The following XRRA1 variants were observed in gnomAD, a reference collection of about 807,000 sequenced individuals.
The protein encoded by XRRA1 is X-ray radiation resistance-associated protein 1.
A neutral mutation model predicts 80.2 loss-of-function variants in XRRA1; 69 were observed. The observed-to-expected ratio is 0.86, with a 90% CI of 0.71 to 1.05. The LOEUF (loss-of-function observed/expected upper bound fraction) is 1.05, where lower values mean the gene tolerates loss of function less well. XRRA1 is among the 50% of genes least tolerant of loss of function. The pLI is 0.00. For missense variants in XRRA1, 967 were observed against 976.4 expected (o/e 0.99, Z 0.13); for synonymous variants, 348 against 389.9 (o/e 0.89, Z 1.27).
intron 10 of XRRA1, among the ~76,000 whole-genome samples, chr11:74,877,442 A>ATAATGGGATT (rs2136454093): frequency 6.6e-6 from 1 of 152,094 alleles, no homozygotes; most frequent in East Asian, 1.9e-4. Context: ...ACTCCCACTA[A>ATAATGGGATT]TAATGGGATT....
chr11:74,928,500 T>A (rs764772939), intron 6 of XRRA1, among the ~76,000 whole-genome samples: 13 of 152,204 alleles, frequency 8.5e-5, no homozygotes, highest in Non-Finnish European at 1.6e-4. Flanking sequence ...ATCCACCCAA[T>A]GACAGTCTCA....
intron 2 of XRRA1, among the ~76,000 whole-genome samples, chr11:74,943,759 C>A (rs1234819711): frequency 6.6e-6 from 1 of 152,094 alleles, no homozygotes; most frequent in African/African-American, 2.4e-5. Context: ...GAACAATGTG[C>A]AGGCCAAACC....
At chr11:74,900,638 A>G (rs771042962) in intron 10 of XRRA1, among the ~76,000 whole-genome samples, 62 of 152,246 alleles carry the variant, frequency 4.1e-4, no homozygotes, top group Non-Finnish European at 6.3e-4. Context: ...CAGGGATGCA[A>G]GGATGTTTCA....
intron 10 of XRRA1, 129 bp from the exon 11 acceptor site, chr11:74,863,150 C>A: frequency 1.2e-6 from 1 of 823,120 alleles, no homozygotes; most frequent in Non-Finnish European, 2.1e-6. Flanking sequence ...CATTGGTCCT[C>A]AGCCCCAGTG....
chr11:74,893,534 C>T (rs2051368023), intron 10 of XRRA1, among the ~76,000 whole-genome samples: 1 of 151,148 alleles, frequency 6.6e-6, no homozygotes, highest in Non-Finnish European at 1.5e-5. Flanking sequence ...GCACATGTAC[C>T]CTAAAACTTG....
intron 11 of XRRA1, among the ~76,000 whole-genome samples, chr11:74,860,313 G>C (rs2042052391): frequency 6.6e-6 from 1 of 152,206 alleles, no homozygotes; most frequent in South Asian, 2.1e-4. Context: ...TGAGACGCAA[G>C]AGTGGAACAT....
At chr11:74,844,122 G>A in intron 17 of XRRA1, 46 bp downstream of exon 17, 1 of 1,562,514 alleles carries the variant, frequency 6.4e-7, no homozygotes, top group Non-Finnish European at 8.8e-7. Context: ...GTAATTGTGG[G>A]CGGTACTCAG....
chr11:74,932,609 C>T (rs1434933987), intron 5 of XRRA1, among the ~76,000 whole-genome samples: 2 of 152,178 alleles, frequency 1.3e-5, no homozygotes, highest in African/African-American at 4.8e-5. Flanking sequence ...AATGAGGGGA[C>T]TGAGCTTTGA....
In XRRA1 at chr11:74,850,704, T is replaced by TTTCTG. The variant is rs541199239; in HGVS notation, c.1380+383_1380+384insCAGAA. 4.6e-5 allele frequency among the ~76,000 whole-genome samples: 7 copies of TTTCTG among 152,308 alleles called. No homozygotes were observed. In the East Asian group the frequency reaches 5.8e-4, roughly 13 times the overall value. On this transcript the variant is annotated intron_variant, in intron 14 of 18. Coordinates refer to ENST00000684022, the MANE Select transcript of XRRA1 (RefSeq NM_001378157.1). ...TCTGGTCCTGCCTTAGCTATTCTTTTTTTTGTTTTGTTTTGTTTTTGTAGA... is the reference window on the plus strand; with the variant it reads ...TCTGGTCCTGCCTTAGCTATTCTTTTTTCTGTTTTGTTTTGTTTTGTTTTTGTAGA...
intron 7 of XRRA1, among the ~76,000 whole-genome samples, chr11:74,922,871 A>G (rs1026635975): frequency 6.6e-6 from 1 of 152,322 alleles, no homozygotes; most frequent in Admixed American, 6.5e-5. Context: ...GGAGTCTAGT[A>G]TACAGTAAAT....
chr11:74,943,752 C>A (rs1470519200), intron 2 of XRRA1, among the ~76,000 whole-genome samples: 1 of 152,074 alleles, frequency 6.6e-6, no homozygotes, highest in Non-Finnish European at 1.5e-5. Flanking sequence ...CATTTTAGAA[C>A]AATGTGCAGG....
At chr11:74,914,375 G>A (rs1937802405) in intron 8 of XRRA1, among the ~76,000 whole-genome samples, 1 of 152,232 alleles carries the variant, frequency 6.6e-6, no homozygotes, top group South Asian at 2.1e-4. Context: ...TTTTGAGTGA[G>A]GTCCAGAGCA....
At chr11:74,891,230 G>A (rs1402116874) in intron 10 of XRRA1, among the ~76,000 whole-genome samples, 2 of 152,168 alleles carry the variant, frequency 1.3e-5, no homozygotes, top group Admixed American at 6.5e-5. Flanking sequence ...TCATCCCTGG[G>A]ATGCAAGGCT....
chr11:74,880,408 A>G (rs371145021), intron 10 of XRRA1, among the ~76,000 whole-genome samples: 9,688 of 151,270 alleles, frequency 0.064, 405 homozygotes, highest in Middle Eastern at 0.14. Context: ...CTTTCAAAAA[A>G]CCAGCTCCTG....
intron 10 of XRRA1, among the ~76,000 whole-genome samples, chr11:74,900,573 ACT>A (rs898392608): frequency 3.4e-5 from 5 of 148,564 alleles, no homozygotes; most frequent in African/African-American, 1.2e-4. Context: ...CAAGAGTGAA[ACT>A]CCATCTCAAG....
intron 6 of XRRA1, 41 bp from the exon 7 acceptor site, chr11:74,927,529 G>A (rs762140068): frequency 4.5e-6 from 6 of 1,331,096 alleles, no homozygotes; most frequent in Non-Finnish European, 6.5e-6. Context: ...AGCTTGTAAA[G>A]GACTTAAGAG....
intron 8 of XRRA1, chr11:74,913,778 T>C (rs1253993425): frequency 1.3e-5 from 2 of 152,186 alleles, no homozygotes; most frequent in South Asian, 2.1e-4. Context: ...TGTTACAGGA[T>C]GGAGGTAAGC....
intron 14 of XRRA1, among the ~76,000 whole-genome samples, chr11:74,848,813 T>G (rs2039009353): frequency 6.6e-6 from 1 of 152,222 alleles, no homozygotes; most frequent in African/African-American, 2.4e-5. Flanking sequence ...GCTGCATCCC[T>G]GACCATACGT....
intron 10 of XRRA1, among the ~76,000 whole-genome samples, chr11:74,892,170 G>A (rs1266305623): frequency 6.6e-6 from 1 of 152,186 alleles, no homozygotes; most frequent in Non-Finnish European, 1.5e-5. Context: ...CAAGGCTACA[G>A]TAACCAAAAC....
Sources: gnomAD v4.1 joint callset for allele counts (sites outside exome capture counted in the v4.1 genomes callset) on GRCh38, gnomAD v4.1.1 for gene constraint, MANE v1.5 for transcripts, NCBI Gene and HGNC (gene_info 2026-07-23, HGNC 2026-07-21) for gene names.